RBM33: variants seen among roughly 807,000 people sequenced by gnomAD.
RBM33 encodes RNA binding motif protein 33, also known as RNA-binding protein 33.
Under a neutral mutation model 132.6 loss-of-function variants are expected in RBM33, and 28 were observed. The ratio of observed to expected loss-of-function variants is 0.21; its 90% CI spans 0.16 to 0.29. RBM33 has a LOEUF of 0.29. RBM33 is among the 10% of genes least tolerant of loss of function. RBM33 has a pLI of 1.00. For synonymous variants in RBM33, 634 were observed against 593.0 expected (o/e 1.07, Z -1.01); for missense variants, 1,291 against 1,518.5 (o/e 0.85, Z 2.49).
chr7:155,725,628 G>A (rs1800773209), intron 9 of RBM33, among the ~76,000 whole-genome samples: 1 of 152,236 alleles, frequency 6.6e-6, no homozygotes, highest in South Asian at 2.1e-4. Flanking sequence ...TTCAGGAGGG[G>A]CCATGGCAGG....
intron 9 of RBM33, among the ~76,000 whole-genome samples, chr7:155,726,614 A>C (rs1039064161): frequency 6.6e-6 from 1 of 152,224 alleles, no homozygotes; most frequent in Non-Finnish European, 1.5e-5. Flanking sequence ...AGTTCTGTTA[A>C]GTGAGGTATT....
intron 7 of RBM33, among the ~76,000 whole-genome samples, chr7:155,710,965 G>A (rs894200161): frequency 6.7e-6 from 1 of 148,432 alleles, no homozygotes; most frequent in Non-Finnish European, 1.5e-5. Flanking sequence ...TTTCCCTCTT[G>A]CGTGGGGATT....
At chr7:155,768,968 G>C (rs1033432874) in intron 16 of RBM33, among the ~76,000 whole-genome samples, 9 of 152,232 alleles carry the variant, frequency 5.9e-5, no homozygotes, top group African/African-American at 1.9e-4. Context: ...ACTTTTCTCA[G>C]TGTAGCAGTG....
At chr7:155,649,351 G>A (rs918624225) in intron 1 of RBM33, among the ~76,000 whole-genome samples, 1 of 152,088 alleles carries the variant, frequency 6.6e-6, no homozygotes, top group Admixed American at 6.5e-5. Context: ...AAAAAATGCT[G>A]TTTTACCATG....
chr7:155,644,678 C>T lies in RBM33; in HGVS notation c.-199C>T, dbSNP rs1159432828. 2 of 440,356 alleles carry T rather than the reference C, an allele frequency of 4.5e-6. No individual in the cohort carries two copies. The highest frequency in any genetic ancestry group is 4.5e-5 in the Admixed American group (1 of 22,466). The allele number at this position is 440,356 out of a possible 1,614,324, so 27.3% of individuals were successfully genotyped here. ...ACCGCGGCGGGCGCGGGCGCGCGGC[C>T]ATGTTGCGGTAGTTTGTTGTTTTCT... On this transcript the variant is annotated 5_prime_UTR_variant, in exon 1 of 18. Transcript: ENST00000401878.
At chr7:155,695,918 ATCTC>A (rs572580687) in intron 5 of RBM33, among the ~76,000 whole-genome samples, 27 of 152,172 alleles carry the variant, frequency 1.8e-4, no homozygotes, top group African/African-American at 6.0e-4. Flanking sequence ...ATTATGATCT[ATCTC>A]AATATGTGCG....
At chr7:155,751,723 C>T (rs562237502) in intron 14 of RBM33, among the ~76,000 whole-genome samples, 21 of 152,208 alleles carry the variant, frequency 1.4e-4, no homozygotes, top group Non-Finnish European at 2.5e-4. Flanking sequence ...GATGGGGCGG[C>T]GGGTGGGTAA....
intron 9 of RBM33, among the ~76,000 whole-genome samples, chr7:155,723,831 A>G (rs917028895): frequency 1.3e-5 from 2 of 152,210 alleles, no homozygotes; most frequent in Admixed American, 6.5e-5. Flanking sequence ...GTGATAAACT[A>G]TAGTTGTCCC....
intron 1 of RBM33, among the ~76,000 whole-genome samples, chr7:155,656,797 A>G (rs1051139991): frequency 2.0e-5 from 3 of 152,238 alleles, no homozygotes; most frequent in East Asian, 3.8e-4. Flanking sequence ...TTTTAAAATT[A>G]TAGTCAGCCC....
At chr7:155,700,546 CTTTTTTTTTTTTTTTTTTTT>C (rs529323301) in intron 5 of RBM33, among the ~76,000 whole-genome samples, 9 of 85,582 alleles carry the variant, frequency 1.1e-4, no homozygotes, top group Non-Finnish European at 1.4e-4. Flanking sequence ...AGAATTTGAC[CTTTTTTTTTTTTTTTTTTTT>C]TTTTTTTTTG....
Position 155,732,262 on chromosome 7 carries a change from T to C in RBM33, c.1261-5268T>C, listed in dbSNP as rs181546530. ...CTCTTTGTTAAAATTGGCAAAATAA[T>C]TGTAAATTGATAAAAAAATTTTCAC... On this transcript the variant is annotated intron_variant, in intron 9 of 17. Transcript: ENST00000401878. 3.9e-5 allele frequency among the ~76,000 whole-genome samples: 6 copies of C among 152,366 alleles called. No homozygotes were observed. The East Asian group carries it at 7.7e-4, about 20-fold the overall frequency.
At chr7:155,644,982 G>A (rs2116853872) in intron 1 of RBM33, 63 bp downstream of exon 1, 2 of 1,288,770 alleles carry the variant, frequency 1.6e-6, no homozygotes, top group East Asian at 3.1e-5. Context: ...GGTGTAGGCC[G>A]GGGGGCCTCC....
chr7:155,707,261 CATCTGGTAGT>C (rs1051034725), intron 7 of RBM33, 193 bp downstream of exon 7: 2 of 687,918 alleles, frequency 2.9e-6, no homozygotes, highest in African/African-American at 3.5e-5. Context: ...GCACTCCAGT[CATCTGGTAGT>C]AAGAAATCAT....
At chr7:155,661,124 G>GTA (rs1798632846) in intron 1 of RBM33, among the ~76,000 whole-genome samples, 1 of 63,606 alleles carries the variant, frequency 1.6e-5, no homozygotes, top group African/African-American at 5.4e-5. Flanking sequence ...GTGTGTGTGT[G>GTA]TGTGTGTATA....
intron 9 of RBM33, among the ~76,000 whole-genome samples, chr7:155,719,701 G>T (rs1294381358): frequency 2.0e-5 from 3 of 152,168 alleles, no homozygotes; most frequent in African/African-American, 7.2e-5. Context: ...TTCTTCTGTG[G>T]AGTAGTTTAT....
rs1383894471 is a variant in RBM33 at position 155,672,931 on chromosome 7, C to G, written c.171+16C>G. The stretch of plus-strand genomic sequence containing the variant: ...TGGCAAAAAGGTAAGAAGTTTATGT[C>G]CTTCTGAGATGAAATACTAGTCATT... On this transcript the variant is annotated intron_variant, in intron 3 of 17. Coordinates refer to ENST00000401878, the MANE Select transcript of RBM33 (RefSeq NM_053043.3). 1 of 1,514,690 alleles carries G rather than the reference C, an allele frequency of 6.6e-7. No homozygotes were observed. The highest frequency in any genetic ancestry group is 1.4e-5 in the African/African-American group (1 of 72,040). The allele number at this position is 1,514,690 out of a possible 1,614,324, so 93.8% of individuals were successfully genotyped here. A position where few individuals can be genotyped will look rare whatever the true frequency, so the allele number is the denominator to read the frequency against.
At position 155,652,862 on chromosome 7, in the gene RBM33, TA is replaced by T. The variant is rs537810914; in HGVS notation, c.43+7948del. On this transcript the variant is annotated intron_variant, in intron 1 of 17. Transcript: ENST00000401878. ...ATATGACTGCTATGAACTGGAACTT[TA>T]AAAAGTATTTGTATTCTAAAGGAAA... is the stretch of plus-strand genomic sequence containing the variant. 1.4e-3 allele frequency among the ~76,000 whole-genome samples: 215 copies of T among 152,306 alleles called. 4 individuals are homozygous for T. The highest frequency in any genetic ancestry group is 4.9e-3 in the African/African-American group (204 of 41,560).
intron 9 of RBM33, among the ~76,000 whole-genome samples, chr7:155,723,515 G>A (rs1298466423): frequency 6.6e-6 from 1 of 152,188 alleles, no homozygotes; most frequent in African/African-American, 2.4e-5. Context: ...CTGATTAATC[G>A]TGATTACCAT....
In RBM33 at chr7:155,711,400, C is replaced by T. The variant is rs1263556874; in HGVS notation, c.1146C>T (p.Pro382=). The change falls in exon 8 of 18, where the codon CCC becomes CCT. Residue 382 remains proline, a synonymous_variant. Transcript: ENST00000401878. ...MTPPPVTPQQ[P]KNIHINPHFK... ...CGCCACCCGTGACTCCACAGCAGCC[C>T]AAGAACATACACATCAACCCGCACT... 1.3e-6 allele frequency: 2 copies of T among 1,555,954 alleles called. No individual in the cohort carries two copies. The highest frequency in any genetic ancestry group is 1.7e-6 in the Non-Finnish European group (2 of 1,151,774).
Sources: gnomAD v4.1 joint callset for allele counts (sites outside exome capture counted in the v4.1 genomes callset) on GRCh38, gnomAD v4.1.1 for gene constraint, MANE v1.5 for transcripts, NCBI Gene and HGNC (gene_info 2026-07-23, HGNC 2026-07-21) for gene names.